The following CDH12 variants were observed in gnomAD, a reference collection of about 807,000 sequenced individuals.
CDH12 encodes the protein cadherin 12.
Under a neutral mutation model 74.1 loss-of-function variants are expected in CDH12, and 41 were observed. The observed-to-expected ratio is 0.55, with a 90% CI of 0.43 to 0.72. The LOEUF (loss-of-function observed/expected upper bound fraction) is 0.72, where lower values mean the gene tolerates loss of function less well. Ranked by LOEUF, CDH12 falls within the 30% of genes least tolerant of loss-of-function variation. The pLI, the probability that CDH12 is intolerant of heterozygous loss-of-function variation, is 0.00. For synonymous variants in CDH12, 399 were observed against 355.0 expected (o/e 1.12, Z -1.39); for missense variants, 945 against 977.2 (o/e 0.97, Z 0.44).
intron 1 of CDH12, among the ~76,000 whole-genome samples, chr5:22,756,914 A>T (rs1480245293): frequency 6.6e-6 from 1 of 151,800 alleles, no homozygotes; most frequent in Non-Finnish European, 1.5e-5. Flanking sequence ...AGCCAAGATC[A>T]CACTACTGCA....
intron 1 of CDH12, among the ~76,000 whole-genome samples, chr5:22,519,769 T>C (rs1736967479): frequency 6.6e-6 from 1 of 152,170 alleles, no homozygotes; most frequent in Non-Finnish European, 1.5e-5. Context: ...TGAACAATAC[T>C]GTTCAGATCC....
At chr5:22,788,369 C>T (rs1386996087) in intron 1 of CDH12, among the ~76,000 whole-genome samples, 3 of 151,692 alleles carry the variant, frequency 2.0e-5, no homozygotes, top group Non-Finnish European at 4.4e-5. Context: ...TTATTTGCTA[C>T]ATCTTTGTTT....
At chr5:21,766,989 C>A (rs1234892003) in intron 11 of CDH12, among the ~76,000 whole-genome samples, 1 of 151,764 alleles carries the variant, frequency 6.6e-6, no homozygotes, top group Non-Finnish European at 1.5e-5. Flanking sequence ...AGCTCATGCT[C>A]TTAAAATCTA....
intron 3 of CDH12, among the ~76,000 whole-genome samples, chr5:22,287,105 A>G (rs994652066): frequency 2.6e-5 from 4 of 152,312 alleles, no homozygotes; most frequent in Non-Finnish European, 4.4e-5. Flanking sequence ...ACAGAAACAA[A>G]TGAAGCTGGT....
intron 5 of CDH12, among the ~76,000 whole-genome samples, chr5:21,992,451 G>A (rs377247196): frequency 6.6e-6 from 1 of 152,016 alleles, no homozygotes; most frequent in East Asian, 1.9e-4. Context: ...GGCCTTAAAT[G>A]TTGAATATTT....
intron 4 of CDH12, among the ~76,000 whole-genome samples, chr5:22,154,065 T>C (rs563631440): frequency 6.7e-6 from 1 of 149,010 alleles, no homozygotes; most frequent in African/African-American, 2.5e-5. Flanking sequence ...TTTTAGAAAT[T>C]TATCAGTGAT....
At chr5:21,945,912 T>C (rs1226027871) in intron 6 of CDH12, among the ~76,000 whole-genome samples, 1 of 151,252 alleles carries the variant, frequency 6.6e-6, no homozygotes, top group Non-Finnish European at 1.5e-5. Context: ...ATGGAAGACA[T>C]AAACCTAAAT....
intron 4 of CDH12, among the ~76,000 whole-genome samples, chr5:22,163,574 A>G (rs1748486481): frequency 6.6e-6 from 1 of 152,156 alleles, no homozygotes; most frequent in African/African-American, 2.4e-5. Context: ...CACCCATGCC[A>G]TTGGTAGAAT....
chr5:22,597,481 T>C (rs1397532602), intron 1 of CDH12, among the ~76,000 whole-genome samples: 2 of 152,206 alleles, frequency 1.3e-5, no homozygotes, highest in Non-Finnish European at 2.9e-5. Context: ...CATCTCTGTT[T>C]CCTCTGCCTG....
At chr5:22,408,853 T>G (rs1743054189) in intron 2 of CDH12, among the ~76,000 whole-genome samples, 1 of 151,556 alleles carries the variant, frequency 6.6e-6, no homozygotes, top group African/African-American at 2.4e-5. Flanking sequence ...TCCCCCATGA[T>G]GGTGGACAAT....
intron 2 of CDH12, among the ~76,000 whole-genome samples, chr5:22,423,403 AAAACTCGTGC>A (rs1258655614): frequency 6.6e-6 from 1 of 152,126 alleles, no homozygotes; most frequent in Non-Finnish European, 1.5e-5. Flanking sequence ...CCAGTCTAGA[AAAACTCGTGC>A]TCCAGAGTAG....
intron 4 of CDH12, among the ~76,000 whole-genome samples, chr5:22,187,160 G>A (rs1038911974): frequency 1.8e-4 from 28 of 152,262 alleles, no homozygotes; most frequent in African/African-American, 6.3e-4. Flanking sequence ...ACACTCACAC[G>A]AGCACATATG....
chr5:22,508,015 T>A (rs1299613323), intron 1 of CDH12, among the ~76,000 whole-genome samples: 1 of 152,230 alleles, frequency 6.6e-6, no homozygotes, highest in Non-Finnish European at 1.5e-5. Flanking sequence ...ATCTTCTGCC[T>A]CTCATTTTTA....
intron 6 of CDH12, among the ~76,000 whole-genome samples, chr5:21,906,765 C>T (rs1477700367): frequency 1.3e-5 from 2 of 152,192 alleles, no homozygotes; most frequent in African/African-American, 4.8e-5. Context: ...AGTCAGTTTT[C>T]TGATACCCTG....
chr5:22,462,538 C>T (rs1297042552), intron 2 of CDH12, among the ~76,000 whole-genome samples: 1 of 152,092 alleles, frequency 6.6e-6, no homozygotes, highest in Non-Finnish European at 1.5e-5. Context: ...GGCAGGCTGC[C>T]TACTGTGGTC....
intron 10 of CDH12, among the ~76,000 whole-genome samples, chr5:21,799,348 T>C (rs1297110665): frequency 4.6e-5 from 7 of 152,060 alleles, no homozygotes; most frequent in Admixed American, 4.6e-4. Flanking sequence ...ATAAAAGAAA[T>C]GAAATAAAGA....
At position 22,109,187 on chromosome 5, in the gene CDH12, C is replaced by T. The variant is rs146525461; in HGVS notation, c.-186-30325G>A. Among the ~76,000 whole-genome samples, 11 of 152,202 alleles carry T rather than the reference C, an allele frequency of 7.2e-5. No individual in the cohort carries two copies. The East Asian group carries it at 7.7e-4, about 11-fold the overall frequency. On this transcript the variant is annotated intron_variant, in intron 4 of 14. Coordinates refer to ENST00000382254, the MANE Select transcript of CDH12 (RefSeq NM_004061.5). ...TGTGTTTCTGTATAGCCTGCAAATG[C>T]GGTACTAACTGGCCTTTAGTTCTGA...
intron 6 of CDH12, among the ~76,000 whole-genome samples, chr5:21,917,779 T>C (rs545193625): frequency 2.0e-4 from 30 of 152,304 alleles, no homozygotes; most frequent in African/African-American, 6.7e-4. Flanking sequence ...AGAAAATAGA[T>C]AGTAATGCAA....
chr5:22,113,239 G>A (rs1412476842), intron 4 of CDH12, among the ~76,000 whole-genome samples: 1 of 152,132 alleles, frequency 6.6e-6, no homozygotes, highest in Non-Finnish European at 1.5e-5. Flanking sequence ...GCCCTTCAAA[G>A]TTGTCCTTTG....
Sources: allele counts gnomAD v4.1 joint callset (sites outside exome capture counted in the v4.1 genomes callset), GRCh38; gene constraint gnomAD v4.1.1; transcripts MANE v1.5; gene names NCBI Gene and HGNC (gene_info 2026-07-23, HGNC 2026-07-21).